HCLS1: variants seen among roughly 807,000 people sequenced by gnomAD.
The protein encoded by HCLS1 is hematopoietic cell-specific Lyn substrate 1.
Under a neutral mutation model 68.6 loss-of-function variants are expected in HCLS1, and 44 were observed. The observed-to-expected ratio is 0.64, with a 90% CI of 0.50 to 0.82. The LOEUF is 0.82. HCLS1 is among the 40% of genes least tolerant of loss of function. HCLS1 has a pLI of 0.00. For missense variants in HCLS1, 602 were observed against 612.1 expected, an observed-to-expected ratio of 0.98 and a Z score of 0.17; for synonymous variants, 217 against 225.8, an observed-to-expected ratio of 0.96 and a Z score of 0.35.
At chr3:121,659,097 A>C (rs1033766924) in intron 1 of HCLS1, among the ~76,000 whole-genome samples, 1 of 152,372 alleles carries the variant, frequency 6.6e-6, no homozygotes, top group Non-Finnish European at 1.5e-5. Context: ...AAAAGAAAAA[A>C]GAATAATATG....
chr3:121,642,011 C>T (rs2049205001), intron 6 of HCLS1, among the ~76,000 whole-genome samples: 1 of 134,126 alleles, frequency 7.5e-6, no homozygotes, highest in Non-Finnish European at 1.5e-5. Flanking sequence ...ACCCGGAAGG[C>T]GGAACTTGCA....
chr3:121,638,286 C>A (rs1281151432), intron 6 of HCLS1, among the ~76,000 whole-genome samples: 1 of 152,140 alleles, frequency 6.6e-6, no homozygotes, highest in Non-Finnish European at 1.5e-5. Flanking sequence ...TAGCCTTAAA[C>A]TCCTGGGCTC....
At position 121,644,803 on chromosome 3, in the gene HCLS1, A is replaced by G; in HGVS notation, c.399+15T>C. Reference sequence around the variant, plus strand: ...GACTGGAGGTGGGTGGTTGGGAGAGAGAGTGGTCACTTACCTTGTCTGCCC... The same window carrying G: ...GACTGGAGGTGGGTGGTTGGGAGAGGGAGTGGTCACTTACCTTGTCTGCCC... On this transcript the variant is annotated intron_variant, in intron 5 of 13. Coordinates refer to ENST00000314583, the MANE Select transcript of HCLS1 (RefSeq NM_005335.6). 6.4e-7 allele frequency: 1 copy of G among 1,565,370 alleles called. No homozygotes were observed. The highest frequency in any genetic ancestry group is 8.8e-7 in the Non-Finnish European group (1 of 1,135,258).
chr3:121,645,389 A>G (rs9873644), intron 4 of HCLS1, among the ~76,000 whole-genome samples: 34,111 of 152,022 alleles, frequency 0.22, 4,003 homozygotes, highest in East Asian at 0.31. Flanking sequence ...TATGGCCATC[A>G]AAGTTCAGAA....
At chr3:121,651,734 T>C (rs925831204) in intron 3 of HCLS1, among the ~76,000 whole-genome samples, 1 of 152,250 alleles carries the variant, frequency 6.6e-6, no homozygotes, top group Non-Finnish European at 1.5e-5. Flanking sequence ...TTAAAAATAC[T>C]AACAATAACA....
chr3:121,631,770 C>A lies in HCLS1; in HGVS notation c.*76G>T. On this transcript the variant is annotated 3_prime_UTR_variant, in exon 14 of 14. Coordinates refer to ENST00000314583, the MANE Select transcript of HCLS1 (RefSeq NM_005335.6). ...ACCTCATCTGGTTAGACATTTGCAG[C>A]AGGAATAGGGAGGGGGTGGAGGCAG... 1.3e-6 allele frequency: 2 copies of A among 1,506,798 alleles called. No individual in the cohort carries two copies. The highest frequency in any genetic ancestry group is 1.7e-5 in the Admixed American group (1 of 57,618). The allele number at this position is 1,506,798 out of a possible 1,614,324, so 93.3% of individuals were successfully genotyped here. A position where few individuals can be genotyped will look rare whatever the true frequency, so the allele number is the denominator to read the frequency against.
intron 3 of HCLS1, chr3:121,655,693 TTTTTTTG>T (rs1423622901): frequency 2.7e-5 from 4 of 148,372 alleles, no homozygotes; most frequent in Non-Finnish European, 4.5e-5. Flanking sequence ...TTTTTTTTTT[TTTTTTTG>T]ATCTATGAGT....
intron 4 of HCLS1, among the ~76,000 whole-genome samples, chr3:121,645,359 G>A (rs2049237606): frequency 6.6e-6 from 1 of 152,074 alleles, no homozygotes; most frequent in African/African-American, 2.4e-5. Flanking sequence ...CAATGATTTT[G>A]TTCTAGATCT....
chr3:121,646,965 A>ATTAT (rs1167097652), intron 4 of HCLS1, among the ~76,000 whole-genome samples: 1 of 145,626 alleles, frequency 6.9e-6, no homozygotes, highest in Non-Finnish European at 1.5e-5. Flanking sequence ...TTTTTAATGT[A>ATTAT]TTATTTATTT....
At position 121,631,786 on chromosome 3, in the gene HCLS1, G is replaced by A; in HGVS notation, c.*60C>T. The stretch of plus-strand genomic sequence containing the variant: ...CATTTGCAGCAGGAATAGGGAGGGG[G>A]TGGAGGCAGAGCCACTTTGGACATG... On this transcript the variant is annotated 3_prime_UTR_variant, in exon 14 of 14. Coordinates refer to ENST00000314583, the MANE Select transcript of HCLS1 (RefSeq NM_005335.6). The A allele has an allele frequency of 6.3e-7, 1 of 1,581,422 alleles. No homozygotes were observed. Among genetic ancestry groups the A allele is most frequent in the East Asian group, 2.2e-5 (1 of 44,594 alleles).
intron 4 of HCLS1, among the ~76,000 whole-genome samples, chr3:121,646,993 T>A (rs1260728952): frequency 1.4e-5 from 2 of 147,322 alleles, no homozygotes; most frequent in East Asian, 1.9e-4. Context: ...TTATTTTTTT[T>A]TTTTTTGAGA....
intron 1 of HCLS1, among the ~76,000 whole-genome samples, chr3:121,658,979 G>C (rs937239234): frequency 5.9e-5 from 9 of 152,138 alleles, no homozygotes; most frequent in African/African-American, 1.9e-4. Flanking sequence ...CATTGGGAGA[G>C]CATTATTTGC....
chr3:121,650,951 T>C lies in HCLS1; in HGVS notation c.159-3503A>G, dbSNP rs185893525. Among the ~76,000 whole-genome samples the C allele has an allele frequency of 5.2e-3, 786 of 152,152 alleles. 8 individuals are homozygous for C. The highest frequency in any genetic ancestry group is 0.018 in the African/African-American group (734 of 41,522). On this transcript the variant is annotated intron_variant, in intron 3 of 13. Transcript: ENST00000314583. ...AGGAGCTCAAGACCAGCCTAGCCAC[T>C]ATGGTGAAACCCCGTCTCTACCAAA...
intron 3 of HCLS1, among the ~76,000 whole-genome samples, chr3:121,652,859 C>T (rs768356781): frequency 1.6e-4 from 24 of 152,114 alleles, no homozygotes; most frequent in Non-Finnish European, 3.5e-4. Context: ...TGGGAATTTG[C>T]ATTTCATTTC....
intron 2 of HCLS1, 79 bp from the exon 3 acceptor site, chr3:121,657,431 C>A: frequency 8.2e-7 from 1 of 1,226,468 alleles, no homozygotes; most frequent in Non-Finnish European, 1.2e-6. Context: ...TGACACATGC[C>A]CTCCATGTCC....
chr3:121,657,245 C>A (rs1394571880), intron 3 of HCLS1, 34 bp downstream of exon 3: 4 of 1,589,420 alleles, frequency 2.5e-6, no homozygotes, highest in Non-Finnish European at 3.4e-6. Context: ...TTCCCATAAC[C>A]CCCTTCCTTT....
At chr3:121,641,386 G>A (rs1313072337) in intron 6 of HCLS1, among the ~76,000 whole-genome samples, 2 of 152,124 alleles carry the variant, frequency 1.3e-5, no homozygotes, top group Non-Finnish European at 2.9e-5. Flanking sequence ...CTCATTGAAA[G>A]AATTATCAAT....
chr3:121,634,161 T>A (rs373588841), intron 10 of HCLS1, 46 bp downstream of exon 10: 2 of 1,611,846 alleles, frequency 1.2e-6, no homozygotes, highest in East Asian at 2.2e-5. Flanking sequence ...GGCTCCTGTC[T>A]GGGCAAGAGA....
intron 3 of HCLS1, among the ~76,000 whole-genome samples, chr3:121,652,220 G>T (rs1040045987): frequency 2.6e-4 from 39 of 152,128 alleles, no homozygotes; most frequent in Non-Finnish European, 2.2e-4. Context: ...TCAGTATGGG[G>T]TGTATTGACT....
Sources: allele counts gnomAD v4.1 joint callset (sites outside exome capture counted in the v4.1 genomes callset), GRCh38; gene constraint gnomAD v4.1.1; transcripts MANE v1.5; gene names NCBI Gene and HGNC (gene_info 2026-07-23, HGNC 2026-07-21).